The following SPC24 variants were observed in gnomAD, a reference collection of about 807,000 sequenced individuals.
SPC24 encodes kinetochore protein Spc24.
A neutral mutation model predicts 27.6 loss-of-function variants in SPC24; 31 were observed. The ratio of observed to expected loss-of-function variants is 1.12; its 90% CI spans 0.84 to 1.52. The LOEUF is 1.52. SPC24 is among the 40% of genes most tolerant of loss of function. The pLI is 0.00. For synonymous variants in SPC24, 105 were observed against 105.8 expected (o/e 0.99, Z 0.05); for missense variants, 284 against 252.5 (o/e 1.12, Z -0.84).
At chr19:11,154,681 A>G (rs1462588235) in intron 1 of SPC24, among the ~76,000 whole-genome samples, 1 of 59,294 alleles carries the variant, frequency 1.7e-5, no homozygotes, top group Non-Finnish European at 3.8e-5. Flanking sequence ...ATATTGTACA[A>G]TTCCTCGTAA....
intron 1 of SPC24, among the ~76,000 whole-genome samples, chr19:11,153,821 A>T (rs1227735819): frequency 1.3e-5 from 2 of 151,752 alleles, no homozygotes; most frequent in Admixed American, 1.3e-4. Flanking sequence ...TAATCCCAGC[A>T]CTTTGGGAGT....
rs2077835066 is a variant in SPC24 at position 11,147,402 on chromosome 19, CCAGGCTGGAGTA to C, written c.488-125_488-114del. On this transcript the variant is annotated intron_variant, in intron 4 of 4. Coordinates refer to ENST00000592540, the MANE Select transcript of SPC24 (RefSeq NM_182513.4). Reference sequence around the variant, plus strand: ...TTGAGACAAAGTTTCATTCTGTAGGCCAGGCTGGAGTACAGTGGTGCGATCTCGGCTCATTGC... The same window carrying C: ...TTGAGACAAAGTTTCATTCTGTAGGCCAGTGGTGCGATCTCGGCTCATTGC... The C allele has an allele frequency of 1.3e-5, 9 of 707,018 alleles. No individual in the cohort carries two copies. In the South Asian group the frequency reaches 1.7e-4, roughly 13 times the overall value. The allele number at this position is 707,018 out of a possible 1,614,324, so 43.8% of individuals were successfully genotyped here. A position where few individuals can be genotyped will look rare whatever the true frequency, so the allele number is the denominator to read the frequency against.
chr19:11,148,298 C>T (rs2077844935), intron 2 of SPC24, among the ~76,000 whole-genome samples, 181 bp from the exon 3 acceptor site: 1 of 152,058 alleles, frequency 6.6e-6, no homozygotes, highest in African/African-American at 2.4e-5. Context: ...ACCTCTGCCT[C>T]CCAGGCTGAA....
chr19:11,155,494 G>A (rs1233952840), intron 1 of SPC24, 123 bp downstream of exon 1: 2 of 1,186,764 alleles, frequency 1.7e-6, no homozygotes, highest in Non-Finnish European at 2.3e-6. Context: ...GGCCGTCCCA[G>A]GGGGCATAGG....
intron 1 of SPC24, among the ~76,000 whole-genome samples, chr19:11,149,746 T>G (rs2077856047): frequency 6.6e-6 from 1 of 151,238 alleles, no homozygotes; most frequent in African/African-American, 2.4e-5. Context: ...GTTTTGCTCT[T>G]ATTGCCCAGG....
At position 11,145,507 on chromosome 19, in the gene SPC24, A is replaced by C. The variant is rs926923772; in HGVS notation, c.*1676T>G. Reference sequence around the variant, plus strand: ...CGGCCCTGGACTGGAGTACATGTTCAGTTAGGGTTTATTTTGGTATCTGTC... The same window carrying C: ...CGGCCCTGGACTGGAGTACATGTTCCGTTAGGGTTTATTTTGGTATCTGTC... On this transcript the variant is annotated 3_prime_UTR_variant, in exon 5 of 5. Transcript: ENST00000592540. 1 of 152,190 alleles carries C rather than the reference A, an allele frequency of 6.6e-6. No homozygotes were observed. The highest frequency in any genetic ancestry group is 1.5e-5 in the Non-Finnish European group (1 of 68,052). 9.4% of individuals were successfully genotyped at this position (152,190 alleles called of 1,614,324 possible).
chr19:11,149,305 G>T, intron 1 of SPC24, 67 bp from the exon 2 acceptor site: 1 of 1,374,358 alleles, frequency 7.3e-7, no homozygotes, highest in Non-Finnish European at 9.5e-7. Context: ...AGAGAAGGTG[G>T]TTCCACTTGC....
chr19:11,149,037 G>A, intron 2 of SPC24, 57 bp downstream of exon 2: 13 of 1,411,410 alleles, frequency 9.2e-6, no homozygotes, highest in Non-Finnish European at 1.2e-5. Flanking sequence ...TTGAGCCACT[G>A]CGCCTGGCCC....
intron 1 of SPC24, among the ~76,000 whole-genome samples, chr19:11,151,485 T>A (rs1034392614): frequency 6.6e-6 from 1 of 152,206 alleles, no homozygotes; most frequent in African/African-American, 2.4e-5. Context: ...CCACCCGCTG[T>A]CTGTCCGCCC....
intron 2 of SPC24, 147 bp downstream of exon 2, chr19:11,148,947 C>T (rs2077849822): frequency 5.5e-6 from 4 of 724,430 alleles, no homozygotes; most frequent in Admixed American, 3.6e-5. Context: ...GACGGGGTCT[C>T]TGTTGTCCAG....
intron 4 of SPC24, 47 bp from the exon 5 acceptor site, chr19:11,147,336 C>T: frequency 7.7e-7 from 1 of 1,305,884 alleles, no homozygotes; most frequent in Non-Finnish European, 1.1e-6. Flanking sequence ...GCCCCTCACA[C>T]AACCCCACGG....
In SPC24 at chr19:11,148,036, C is replaced by G. The variant is rs761713632; in HGVS notation, c.387G>C (p.Thr129=). Residue 129 remains threonine (T), a synonymous_variant, in exon 3 of 5, where the codon ACG becomes ACC. Coordinates refer to ENST00000592540, the MANE Select transcript of SPC24 (RefSeq NM_182513.4). ...ERQEKEVDED[T]TVTIPSAVYV... is the part of the protein sequence containing the mutation. Reference sequence around the variant, plus strand: ...ACACGGCCGAGGGGATTGTGACTGTCGTGTCCTCGTCGACCTCCTTCTCCT... The same window carrying G: ...ACACGGCCGAGGGGATTGTGACTGTGGTGTCCTCGTCGACCTCCTTCTCCT... 3.7e-6 allele frequency: 6 copies of G among 1,613,760 alleles called. No homozygotes were observed. Among genetic ancestry groups the G allele is most frequent in the Non-Finnish European group, 5.1e-6 (6 of 1,179,830 alleles).
intron 3 of SPC24, 56 bp from the exon 4 acceptor site, chr19:11,147,950 C>T: frequency 6.4e-7 from 1 of 1,555,158 alleles, no homozygotes; most frequent in Middle Eastern, 1.7e-4. Context: ...CCAGCACCAA[C>T]TTCAACCAAG....
At chr19:11,149,712 C>CT (rs546646293) in intron 1 of SPC24, among the ~76,000 whole-genome samples, 1,944 of 140,514 alleles carry the variant, frequency 0.014, 20 homozygotes, top group Non-Finnish European at 0.021. Context: ...AAAACCCTGT[C>CT]TTTTTTTTTT....
chr19:11,149,311 C>T, intron 1 of SPC24, 73 bp from the exon 2 acceptor site: 1 of 1,351,336 alleles, frequency 7.4e-7, no homozygotes, highest in Non-Finnish European at 9.7e-7. Flanking sequence ...GGTGGTTCCA[C>T]TTGCCTCCAC....
intron 2 of SPC24, 44 bp from the exon 3 acceptor site, chr19:11,148,161 C>T: frequency 7.3e-7 from 1 of 1,377,052 alleles, no homozygotes; most frequent in Non-Finnish European, 1.0e-6. Context: ...GAGAGGGCTG[C>T]CCCTGCGCTA....
rs892942526 is a variant in SPC24, at chr19:11,145,726, C to T, written c.*1457G>A. On this transcript the variant is annotated 3_prime_UTR_variant, in exon 5 of 5. Transcript: ENST00000592540. ...ATGGCTGCCAGGGCTCCAGCCATCA[C>T]ACCCACATTCCAGGAAATAGGAAGG... is the stretch of plus-strand genomic sequence containing the variant. 5 of 152,228 alleles carry T rather than the reference C, an allele frequency of 3.3e-5. No individual in the cohort carries two copies. Among genetic ancestry groups the T allele is most frequent in the African/African-American group, 1.2e-4 (5 of 41,452 alleles). 9.4% of individuals were successfully genotyped at this position (152,228 alleles called of 1,614,324 possible). A position where few individuals can be genotyped will look rare whatever the true frequency, so the allele number is the denominator to read the frequency against.
At chr19:11,148,639 C>T (rs2077847836) in intron 2 of SPC24, among the ~76,000 whole-genome samples, 1 of 151,860 alleles carries the variant, frequency 6.6e-6, no homozygotes, top group Non-Finnish European at 1.5e-5. Context: ...TACCACCATG[C>T]CCAGCTTATT....
At chr19:11,147,554 A>C (rs144562738) in intron 4 of SPC24, 1 of 566,910 alleles carries the variant, frequency 1.8e-6, no homozygotes, top group Non-Finnish European at 3.1e-6. Flanking sequence ...TCGGCCTCCC[A>C]AAGTGCTGGG....
Sources: allele counts gnomAD v4.1 joint callset (sites outside exome capture counted in the v4.1 genomes callset), GRCh38; gene constraint gnomAD v4.1.1; transcripts MANE v1.5; gene names NCBI Gene and HGNC (gene_info 2026-07-23, HGNC 2026-07-21).